LARGE1: variants seen among roughly 807,000 people sequenced by gnomAD.
LARGE1 encodes the protein LARGE xylosyl- and glucuronyltransferase 1.
In LARGE1, 43 loss-of-function variants were observed where a neutral mutation model predicts 87.6. That is an observed-to-expected ratio of 0.49 (90% CI 0.38 to 0.63). The LOEUF (loss-of-function observed/expected upper bound fraction) is 0.63. LARGE1 is among the 30% of genes least tolerant of loss of function. The pLI is 0.00. For missense variants in LARGE1, 802 were observed against 1,000.2 expected (o/e 0.80, Z 2.67); for synonymous variants, 434 against 394.6 (o/e 1.10, Z -1.18).
chr22:33,762,380 T>C (rs1031603344), intron 1 of LARGE1, among the ~76,000 whole-genome samples: 4 of 151,976 alleles, frequency 2.6e-5, no homozygotes, highest in Non-Finnish European at 5.9e-5. Flanking sequence ...CTGTGCGTGG[T>C]CAGGATGGCA....
At chr22:33,597,358 T>C (rs2079006518) in intron 5 of LARGE1, among the ~76,000 whole-genome samples, 1 of 151,568 alleles carries the variant, frequency 6.6e-6, no homozygotes, top group Admixed American at 6.6e-5. Flanking sequence ...CTCTCTTCAG[T>C]CTCTCCCAGA....
At chr22:33,770,947 C>G (rs2085050537) in intron 1 of LARGE1, among the ~76,000 whole-genome samples, 1 of 152,274 alleles carries the variant, frequency 6.6e-6, no homozygotes, top group African/African-American at 2.4e-5. Flanking sequence ...TCCAAAATAT[C>G]TGCCACTTCA....
chr22:33,389,438 G>A (rs1233855304), intron 7 of LARGE1, among the ~76,000 whole-genome samples: 1 of 152,226 alleles, frequency 6.6e-6, no homozygotes, highest in Non-Finnish European at 1.5e-5. Flanking sequence ...AGATGATTTT[G>A]TTGGCACTTG....
chr22:33,136,725 G>A, the LARGE1 span, among the ~76,000 whole-genome samples: 1 of 152,082 alleles, frequency 6.6e-6, no homozygotes, highest in African/African-American at 2.4e-5. Flanking sequence ...GATGCAATTA[G>A]TTTCATGACC....
rs200155723 is a variant in LARGE1, at chr22:33,567,225, GT to G, written c.616-2207del. The stretch of plus-strand genomic sequence containing the variant: ...TGTTAGAAAAAAATGTGGTTACTTA[GT>G]TTTTTTTTAAGAGTAGTTGCTCATT... On this transcript the variant is annotated intron_variant, in intron 5 of 14. Coordinates refer to ENST00000397394, the MANE Select transcript of LARGE1 (RefSeq NM_133642.5). Among the ~76,000 whole-genome samples, 23 of 151,848 alleles carry G rather than the reference GT, an allele frequency of 1.5e-4. No individual in the cohort carries two copies. In the East Asian group the frequency reaches 3.9e-3, roughly 25 times the overall value.
intron 9 of LARGE1, among the ~76,000 whole-genome samples, chr22:33,346,269 C>T (rs924087886): frequency 6.8e-5 from 10 of 146,898 alleles, no homozygotes; most frequent in African/African-American, 2.5e-4. Flanking sequence ...CTCTCTCTCT[C>T]TCTTTCTTTC....
At chr22:33,580,319 G>A (rs942574062) in intron 5 of LARGE1, among the ~76,000 whole-genome samples, 17 of 150,570 alleles carry the variant, frequency 1.1e-4, no homozygotes, top group Admixed American at 3.3e-4. Context: ...GCGGTGAGTC[G>A]AGATCGCACC....
At chr22:33,619,797 A>G (rs1294694656) in intron 4 of LARGE1, among the ~76,000 whole-genome samples, 1 of 152,182 alleles carries the variant, frequency 6.6e-6, no homozygotes, top group Non-Finnish European at 1.5e-5. Flanking sequence ...ATGCATTACC[A>G]TCTGGAAAAC....
intron 11 of LARGE1, among the ~76,000 whole-genome samples, chr22:33,170,719 C>G (rs1922521614): frequency 6.6e-6 from 1 of 152,202 alleles, no homozygotes; most frequent in South Asian, 2.1e-4. Flanking sequence ...AATTAAATCT[C>G]TTTCCTTTAA....
At chr22:33,460,828 G>A (rs1341640125) in intron 6 of LARGE1, among the ~76,000 whole-genome samples, 7 of 152,164 alleles carry the variant, frequency 4.6e-5, no homozygotes, top group Admixed American at 1.3e-4. Flanking sequence ...TAGGAAATTT[G>A]CCTGTCTTAG....
rs898695674 is a variant in LARGE1 at position 33,304,228 on chromosome 22, C to A, written c.1730+1G>T. 1.2e-6 allele frequency: 2 copies of A among 1,614,170 alleles called. No individual in the cohort carries two copies. Among genetic ancestry groups the A allele is most frequent in the South Asian group, 1.1e-5 (1 of 91,086 alleles). On this transcript the variant is annotated splice_donor_variant, in intron 12 of 14. Transcript: ENST00000397394. LOFTEE classifies it high-confidence loss of function. ...ATGGCCAGGCCCCTGCAGGTCCTTA[C>A]CTGAGGTACTCATAGAGCCCATACA...
intron 9 of LARGE1, among the ~76,000 whole-genome samples, chr22:33,359,393 A>G (rs1327190108): frequency 6.6e-6 from 1 of 152,106 alleles, no homozygotes; most frequent in Non-Finnish European, 1.5e-5. Context: ...TGGGAAGATT[A>G]AGTGAGGTCA....
At chr22:33,128,748 T>C in the LARGE1 span, among the ~76,000 whole-genome samples, 37 of 150,128 alleles carry the variant, frequency 2.5e-4, no homozygotes, top group Admixed American at 4.6e-4. Context: ...ATATACACCA[T>C]GGAATACTAT....
intron 12 of LARGE1, among the ~76,000 whole-genome samples, chr22:33,295,761 C>A (rs5749602): frequency 1.3e-5 from 2 of 152,022 alleles, no homozygotes; most frequent in South Asian, 4.1e-4. Flanking sequence ...ATGAGGGAGA[C>A]AGGGCAGCCC....
At chr22:33,720,376 T>A (rs2083058530) in intron 2 of LARGE1, among the ~76,000 whole-genome samples, 2 of 152,126 alleles carry the variant, frequency 1.3e-5, no homozygotes, top group African/African-American at 4.8e-5. Context: ...CTTCTCTCAC[T>A]GGCCGGCAGT....
At chr22:33,457,325 T>G (rs12157630) in intron 6 of LARGE1, among the ~76,000 whole-genome samples, 1 of 117,336 alleles carries the variant, frequency 8.5e-6, no homozygotes, top group Admixed American at 8.8e-5. Flanking sequence ...TTTTTTTTTG[T>G]ATTTTTATTA....
At chr22:33,753,163 T>G (rs1170593723) in intron 2 of LARGE1, among the ~76,000 whole-genome samples, 1 of 152,108 alleles carries the variant, frequency 6.6e-6, no homozygotes, top group Non-Finnish European at 1.5e-5. Context: ...GAGGTTGCAG[T>G]GAACTGAGAT....
At chr22:33,130,414 CAGG>C in the LARGE1 span, among the ~76,000 whole-genome samples, 2 of 150,602 alleles carry the variant, frequency 1.3e-5, no homozygotes, top group Non-Finnish European at 2.9e-5. Context: ...CACTTCAATC[CAGG>C]AGGAGGAGGT....
At chr22:33,302,112 A>G (rs924777253) in intron 12 of LARGE1, among the ~76,000 whole-genome samples, 1 of 152,086 alleles carries the variant, frequency 6.6e-6, no homozygotes, top group Non-Finnish European at 1.5e-5. Context: ...CCCATCATCT[A>G]TCTGTTCCCT....
Sources: gnomAD v4.1 joint callset for allele counts (sites outside exome capture counted in the v4.1 genomes callset) on GRCh38, gnomAD v4.1.1 for gene constraint, MANE v1.5 for transcripts, NCBI Gene and HGNC (gene_info 2026-07-23, HGNC 2026-07-21) for gene names.